Variants in CDK14 observed in about 807,000 individuals in gnomAD.
CDK14 encodes cyclin-dependent kinase 14.
CDK14 carries 34 observed loss-of-function variants against 60.7 expected under a neutral mutation model. That is an observed-to-expected ratio of 0.56 (90% CI 0.43 to 0.75). CDK14 has a LOEUF of 0.75. Ranked by LOEUF, CDK14 falls within the 30% of genes least tolerant of loss-of-function variation. CDK14 has a pLI of 0.00. For synonymous variants in CDK14, 197 were observed against 203.7 expected (o/e 0.97, Z 0.28); for missense variants, 482 against 564.1 (o/e 0.85, Z 1.47).
At chr7:90,629,502 G>A (rs1799947937) in intron 2 of CDK14, among the ~76,000 whole-genome samples, 1 of 152,078 alleles carries the variant, frequency 6.6e-6, no homozygotes, top group Admixed American at 6.6e-5. Context: ...CAGTAGGAGT[G>A]GTACTGCCCT....
chr7:90,987,495 A>T (rs932251380), intron 10 of CDK14, among the ~76,000 whole-genome samples: 1 of 152,168 alleles, frequency 6.6e-6, no homozygotes, highest in Non-Finnish European at 1.5e-5. Context: ...CTGTAGAATT[A>T]AATGATGCTA....
At chr7:91,180,306 G>A (rs1801957007) in intron 14 of CDK14, among the ~76,000 whole-genome samples, 1 of 152,170 alleles carries the variant, frequency 6.6e-6, no homozygotes, top group Non-Finnish European at 1.5e-5. Context: ...TAGTTTTGGA[G>A]AAAAGTTTAA....
chr7:90,918,704 T>C (rs1793156229), intron 8 of CDK14, among the ~76,000 whole-genome samples: 1 of 152,152 alleles, frequency 6.6e-6, no homozygotes, highest in Admixed American at 6.5e-5. Flanking sequence ...ATGCCTGAGG[T>C]TGAGATGGGC....
At chr7:91,071,531 C>T (rs1434249207) in intron 11 of CDK14, among the ~76,000 whole-genome samples, 1 of 152,352 alleles carries the variant, frequency 6.6e-6, no homozygotes, top group African/African-American at 2.4e-5. Flanking sequence ...GTGCAACCCA[C>T]GGATCGGAAG....
chr7:90,805,699 C>G (rs975509794), intron 5 of CDK14, among the ~76,000 whole-genome samples: 1 of 151,896 alleles, frequency 6.6e-6, no homozygotes, highest in Non-Finnish European at 1.5e-5. Context: ...TAAGATGACA[C>G]CTCACCCCAA....
rs78780693 is a variant in CDK14 at position 90,614,394 on chromosome 7, C to T, written c.123+10145C>T. ...GATATTGGAACCAGCAGTTTGCTTT[C>T]AGTTTTGCAAGCTTAATTTCTTTAG... On this transcript the variant is annotated intron_variant, in intron 2 of 14. Coordinates refer to ENST00000380050, the MANE Select transcript of CDK14 (RefSeq NM_001287135.2). 6.0e-3 allele frequency among the ~76,000 whole-genome samples: 914 copies of T among 152,124 alleles called. 7 individuals are homozygous for T. Among genetic ancestry groups the T allele is most frequent in the African/African-American group, 0.019 (797 of 41,492 alleles).
chr7:90,679,323 T>C (rs1435118176), intron 2 of CDK14, among the ~76,000 whole-genome samples: 1 of 152,220 alleles, frequency 6.6e-6, no homozygotes, highest in East Asian at 1.9e-4. Flanking sequence ...GATTGCAACT[T>C]GAATTAACAA....
At chr7:91,133,064 A>C (rs909463193) in intron 14 of CDK14, among the ~76,000 whole-genome samples, 2 of 152,154 alleles carry the variant, frequency 1.3e-5, no homozygotes, top group African/African-American at 4.8e-5. Flanking sequence ...CATTGGTATC[A>C]TTTGGGAGAA....
chr7:90,717,217 C>T (rs1444622403), intron 2 of CDK14, among the ~76,000 whole-genome samples: 1 of 152,036 alleles, frequency 6.6e-6, no homozygotes, highest in African/African-American at 2.4e-5. Context: ...GTATAGGCAT[C>T]TACCTATATG....
At chr7:90,904,673 A>G (rs1479542066) in intron 7 of CDK14, among the ~76,000 whole-genome samples, 2 of 150,164 alleles carry the variant, frequency 1.3e-5, no homozygotes, top group Non-Finnish European at 3.0e-5. Context: ...CATTAAAGTA[A>G]TAACTATGAA....
At chr7:90,853,698 T>G (rs559233485) in intron 5 of CDK14, among the ~76,000 whole-genome samples, 21 of 152,314 alleles carry the variant, frequency 1.4e-4, no homozygotes, top group African/African-American at 5.1e-4. Flanking sequence ...GTTACCTCTG[T>G]TTTATCTCCA....
At chr7:90,663,022 TTTG>T (rs1313143455) in intron 2 of CDK14, among the ~76,000 whole-genome samples, 3 of 151,866 alleles carry the variant, frequency 2.0e-5, no homozygotes, top group South Asian at 2.1e-4. Context: ...ACAAGTATTT[TTTG>T]TTGTTGTTGT....
At chr7:91,058,617 T>C (rs556479516) in intron 11 of CDK14, among the ~76,000 whole-genome samples, 1 of 152,246 alleles carries the variant, frequency 6.6e-6, no homozygotes, top group Non-Finnish European at 1.5e-5. Flanking sequence ...AGCATGAAGG[T>C]TGTTGAATTT....
chr7:90,849,925 G>T (rs1488877553), intron 5 of CDK14, among the ~76,000 whole-genome samples: 1 of 151,900 alleles, frequency 6.6e-6, no homozygotes, highest in Non-Finnish European at 1.5e-5. Context: ...TTCAGTTTCC[G>T]ACATGTGCTT....
chr7:91,181,728 T>A (rs1802008131), intron 14 of CDK14, among the ~76,000 whole-genome samples: 2 of 152,176 alleles, frequency 1.3e-5, no homozygotes, highest in African/African-American at 2.4e-5. Flanking sequence ...TTATTGCAGT[T>A]ATTTTTTTGA....
At chr7:91,195,849 G>A (rs1434732607) in intron 14 of CDK14, among the ~76,000 whole-genome samples, 2 of 152,144 alleles carry the variant, frequency 1.3e-5, no homozygotes, top group Non-Finnish European at 1.5e-5. Context: ...AGACCCCTAA[G>A]CAGGACATTT....
intron 5 of CDK14, among the ~76,000 whole-genome samples, chr7:90,828,524 T>TC (rs1182591431): frequency 6.6e-6 from 1 of 151,824 alleles, no homozygotes; most frequent in Admixed American, 6.6e-5. Flanking sequence ...TTTAATATTT[T>TC]TTTTCCCTAT....
intron 8 of CDK14, among the ~76,000 whole-genome samples, chr7:90,946,074 G>T (rs879687507): frequency 6.6e-6 from 1 of 152,168 alleles, no homozygotes; most frequent in Admixed American, 6.5e-5. Context: ...ACAGTGGAGT[G>T]GAGGCAGAAT....
At chr7:90,801,670 T>A (rs535608099) in intron 5 of CDK14, among the ~76,000 whole-genome samples, 7 of 152,354 alleles carry the variant, frequency 4.6e-5, no homozygotes, top group African/African-American at 9.6e-5. Flanking sequence ...AGTCTTTTTT[T>A]ATTCAGATAT....
Sources: gnomAD v4.1 joint callset for allele counts (sites outside exome capture counted in the v4.1 genomes callset) on GRCh38, gnomAD v4.1.1 for gene constraint, MANE v1.5 for transcripts, NCBI Gene and HGNC (gene_info 2026-07-23, HGNC 2026-07-21) for gene names.